Variants in CHRM3 observed in about 807,000 individuals in gnomAD.
CHRM3 encodes the protein cholinergic receptor muscarinic 3, also known as muscarinic acetylcholine receptor M3.
A neutral mutation model predicts 41.8 loss-of-function variants in CHRM3; 11 were observed. The ratio of observed to expected loss-of-function variants is 0.26; its 90% CI spans 0.17 to 0.44. CHRM3 has a LOEUF of 0.44. CHRM3 is among the 20% of genes least tolerant of loss of function. The probability of loss-of-function intolerance (pLI) is 1.00; values close to 1 mark genes in which losing one functional copy is unlikely to be tolerated. For missense variants in CHRM3, 571 were observed against 745.4 expected, an observed-to-expected ratio of 0.77 and a Z score of 2.72; for synonymous variants, 297 against 301.4, an observed-to-expected ratio of 0.99 and a Z score of 0.15.
chr1:239,818,838 C>T (rs1405016209), intron 5 of CHRM3, among the ~76,000 whole-genome samples: 1 of 152,142 alleles, frequency 6.6e-6, no homozygotes, highest in Non-Finnish European at 1.5e-5. Flanking sequence ...TTCAGAGTTA[C>T]CCTCCTAACA....
intron 6 of CHRM3, among the ~76,000 whole-genome samples, chr1:239,869,756 G>T (rs1676418445): frequency 1.3e-5 from 2 of 152,158 alleles, no homozygotes; most frequent in Admixed American, 1.3e-4. Context: ...CCCAAAATGT[G>T]AACTCCTGTA....
At chr1:239,488,714 C>CAAAAAAA (rs763682628) in intron 1 of CHRM3, among the ~76,000 whole-genome samples, 2 of 46,208 alleles carry the variant, frequency 4.3e-5, no homozygotes, top group African/African-American at 2.0e-4. Flanking sequence ...GACTCCTTCT[C>CAAAAAAA]AAAAAAAAAA....
Position 239,387,739 on chromosome 1 carries a change from C to A in CHRM3, c.-521+512C>A, listed in dbSNP as rs992233033. ...TTTCTAAGAAGGCTAAAGCTGGCAC[C>A]CGCCAACCTCGCAGTGGGGCCGCAA... is the stretch of plus-strand genomic sequence containing the variant. On this transcript the variant is annotated intron_variant, in intron 1 of 6. Transcript: ENST00000676153. The surrounding 1 kb of genome is among the most constrained non-coding windows in gnomAD (Gnocchi z 5.1). Among the ~76,000 whole-genome samples the A allele has an allele frequency of 6.6e-6, 1 of 152,174 alleles. No individual in the cohort carries two copies. The highest frequency in any genetic ancestry group is 2.4e-5 in the African/African-American group (1 of 41,450).
intron 5 of CHRM3, among the ~76,000 whole-genome samples, chr1:239,825,990 AG>A (rs999678008): frequency 6.0e-4 from 92 of 152,350 alleles, no homozygotes; most frequent in African/African-American, 2.2e-3. Context: ...CATTTACGTG[AG>A]GAACATAGAG....
chr1:239,814,334 T>C (rs549391512), intron 5 of CHRM3, among the ~76,000 whole-genome samples: 2 of 152,232 alleles, frequency 1.3e-5, no homozygotes, highest in East Asian at 3.9e-4. Flanking sequence ...TCTCAGCAAA[T>C]CCAGCCTCCT....
chr1:239,571,655 C>T lies in CHRM3; in HGVS notation c.-313+25906C>T, dbSNP rs73120647. 9.2e-3 allele frequency among the ~76,000 whole-genome samples: 1,398 copies of T among 152,212 alleles called. 18 individuals are homozygous for T. The highest frequency in any genetic ancestry group is 0.032 in the African/African-American group (1,343 of 41,536). On this transcript the variant is annotated intron_variant, in intron 3 of 6. Coordinates refer to ENST00000676153, the MANE Select transcript of CHRM3 (RefSeq NM_001375978.1). ...GTGCATTGTCAAACACTGCATTGGT[C>T]CATCTTTTATTCTCACAGTGATCTC...
chr1:239,723,822 G>A (rs1282028767), intron 5 of CHRM3, among the ~76,000 whole-genome samples: 1 of 151,776 alleles, frequency 6.6e-6, no homozygotes, highest in Admixed American at 6.6e-5. Context: ...TGGGATTCTA[G>A]AACTTAAAGA....
chr1:239,800,012 G>A (rs939382871), intron 5 of CHRM3, among the ~76,000 whole-genome samples: 6 of 152,082 alleles, frequency 3.9e-5, no homozygotes, highest in African/African-American at 1.2e-4. Flanking sequence ...ATATCAGGTA[G>A]CTTTTTTTGT....
At chr1:239,659,082 A>AG (rs1415546032) in intron 4 of CHRM3, among the ~76,000 whole-genome samples, 1 of 151,900 alleles carries the variant, frequency 6.6e-6, no homozygotes, top group Non-Finnish European at 1.5e-5. Flanking sequence ...CATTGTGAAA[A>AG]CAGTTTAACT....
chr1:239,548,524 T>A (rs1337720022), intron 3 of CHRM3, among the ~76,000 whole-genome samples: 1 of 152,258 alleles, frequency 6.6e-6, no homozygotes, highest in Non-Finnish European at 1.5e-5. Context: ...CCATTTATTC[T>A]TCTTCTTGTT....
chr1:239,544,803 G>T (rs567798452), intron 2 of CHRM3, among the ~76,000 whole-genome samples: 2 of 152,326 alleles, frequency 1.3e-5, no homozygotes, highest in East Asian at 3.9e-4. Flanking sequence ...GAGAACCAAT[G>T]AGATGTATCT....
At chr1:239,798,624 A>T (rs1043295100) in intron 5 of CHRM3, among the ~76,000 whole-genome samples, 14 of 152,156 alleles carry the variant, frequency 9.2e-5, no homozygotes, top group African/African-American at 2.9e-4. Context: ...ACATCATCAA[A>T]CTTCTCAACA....
At position 239,908,646 on chromosome 1, in the gene CHRM3, G is replaced by T. The variant is rs1368746636; in HGVS notation, c.1195G>T (p.Val399Leu). 3 of 1,612,300 alleles carry T rather than the reference G, an allele frequency of 1.9e-6. No individual in the cohort carries two copies. ...LQVPEEELGM[V>L]DLERKADKLQ... The stretch of plus-strand genomic sequence containing the variant: ...GGTGCCTGAGGAGGAGCTGGGGATG[G>T]TGGACTTGGAGAGGAAAGCCGACAA... Residue 399 changes from valine (V) to leucine (L), a missense_variant, in exon 7 of 7, where the codon GTG becomes TTG. Val to Leu is a conservative substitution (Grantham distance 32). Transcript: ENST00000676153. This position sits in a 1 kb window ranked among gnomAD's most constrained non-coding sequence, Gnocchi z 7.2.
chr1:239,461,256 CT>C (rs1191157415), intron 1 of CHRM3, among the ~76,000 whole-genome samples: 2 of 152,086 alleles, frequency 1.3e-5, no homozygotes, highest in Non-Finnish European at 2.9e-5. Flanking sequence ...ATTAAATGCG[CT>C]TTTTCCCCTT....
rs544658026 is a variant in CHRM3 at position 239,907,281 on chromosome 1, A to C, written c.-19-152A>C. 1.4e-4 allele frequency among the ~76,000 whole-genome samples: 22 copies of C among 152,336 alleles called. No individual in the cohort carries two copies. Among genetic ancestry groups the C allele is most frequent in the African/African-American group, 5.1e-4 (21 of 41,568 alleles). The stretch of plus-strand genomic sequence containing the variant: ...TGTCTGTCTGCCCTAGACTCCACTT[A>C]TTTAAAATAAGAGAATGAACTTGAT... On this transcript the variant is annotated intron_variant, in intron 6 of 6. Transcript: ENST00000676153. The surrounding 1 kb of genome is among the most constrained non-coding windows in gnomAD (Gnocchi z 5.4).
At chr1:239,860,871 T>C (rs1336247641) in intron 6 of CHRM3, among the ~76,000 whole-genome samples, 2 of 152,320 alleles carry the variant, frequency 1.3e-5, no homozygotes, top group East Asian at 1.9e-4. Context: ...TCAAAAAATC[T>C]GAAGCATTTT....
chr1:239,633,338 A>G (rs1449804655), intron 4 of CHRM3, among the ~76,000 whole-genome samples: 2 of 152,094 alleles, frequency 1.3e-5, no homozygotes, highest in Non-Finnish European at 1.5e-5. Context: ...TTTTAAAACC[A>G]TCAGATCTCA....
intron 1 of CHRM3, among the ~76,000 whole-genome samples, chr1:239,462,147 A>AG (rs1289044842): frequency 6.6e-6 from 1 of 152,216 alleles, no homozygotes; most frequent in African/African-American, 2.4e-5. Context: ...AAAATGTCTA[A>AG]GTGCTGAGTT....
intron 6 of CHRM3, among the ~76,000 whole-genome samples, chr1:239,854,351 A>G (rs560209035): frequency 2.0e-5 from 3 of 152,166 alleles, no homozygotes; most frequent in Admixed American, 6.5e-5. Flanking sequence ...GCCAGAGACT[A>G]TTCTGTCCAC....
Sources: gnomAD v4.1 joint callset for allele counts (sites outside exome capture counted in the v4.1 genomes callset) on GRCh38, gnomAD v4.1.1 for gene constraint, Gnocchi (gnomAD v3.1) non-coding constraint, MANE v1.5 for transcripts, NCBI Gene and HGNC (gene_info 2026-07-23, HGNC 2026-07-21) for gene names.